Variants in CLN3 observed in about 807,000 individuals in gnomAD.
CLN3 encodes CLN3 lysosomal/endosomal transmembrane protein, battenin.
In CLN3, 49 loss-of-function variants were observed where a neutral mutation model predicts 60.7. The observed-to-expected ratio is 0.81, with a 90% CI of 0.64 to 1.02. The LOEUF is 1.02. CLN3 is among the 50% of genes least tolerant of loss of function. CLN3 has a pLI of 0.00. For missense variants in CLN3, 516 were observed against 557.4 expected (o/e 0.93, Z 0.75); for synonymous variants, 256 against 245.8 (o/e 1.04, Z -0.39).
rs1188942343 is a variant in CLN3 at position 28,487,486 on chromosome 16, A to T, written c.430T>A (p.Phe144Ile). The change falls in exon 7 of 16, where the codon TTT becomes ATT. Residue 144 changes from phenylalanine (F) to isoleucine (I), a missense_variant. Phe to Ile is a conservative substitution (Grantham distance 21). Transcript: ENST00000636147. ...CAAGSFVLVA[F>I]SHSVGTSLCG... ...AGGCTGGTCCCCACAGAATGAGAAA[A>T]GGCAACCAGGACGAAGCTTCCAGCA... 6 of 1,613,992 alleles carry T rather than the reference A, an allele frequency of 3.7e-6. No individual in the cohort carries two copies. Among genetic ancestry groups the T allele is most frequent in the Non-Finnish European group, 5.1e-6 (6 of 1,179,972 alleles).
intron 7 of CLN3, chr16:28,486,986 C>T (rs2046231507): frequency 2.6e-6 from 1 of 386,884 alleles, no homozygotes; most frequent in African/African-American, 2.1e-5. Flanking sequence ...TCTCGGCTCA[C>T]TGCAACCTCT....
Position 28,491,570 on chromosome 16 carries a change from C to A in CLN3, c.47-10G>T, listed in dbSNP as rs1028703647. 3 of 1,613,966 alleles carry A rather than the reference C, an allele frequency of 1.9e-6. No individual in the cohort carries two copies. Among genetic ancestry groups the A allele is most frequent in the African/African-American group, 1.3e-5 (1 of 75,048 alleles). ...GGGACGGTCTCCTCCCCTGGGAGAG[C>A]GAGAAGAGGGCATGACCCCCACCTA... On this transcript the variant is annotated splice_polypyrimidine_tract_variant and intron_variant, in intron 2 of 15. Transcript: ENST00000636147.
rs2046324631 is a variant in CLN3, at chr16:28,492,039, T to C, written c.-96A>G. 2 of 568,878 alleles carry C rather than the reference T, an allele frequency of 3.5e-6. No individual in the cohort carries two copies. Among genetic ancestry groups the C allele is most frequent in the Admixed American group, 6.1e-5 (2 of 32,956 alleles). 35.2% of individuals were successfully genotyped at this position (568,878 alleles called of 1,614,324 possible). A position where few individuals can be genotyped will look rare whatever the true frequency, so the allele number is the denominator to read the frequency against. On this transcript the variant is annotated 5_prime_UTR_variant, in exon 1 of 16. Coordinates refer to ENST00000636147, the MANE Select transcript of CLN3 (RefSeq NM_001042432.2). The stretch of plus-strand genomic sequence containing the variant: ...CTGTACCTTTAAGAGCAGCAGAATG[T>C]TCTGCACTATGCAGAGGCCGTTTGT...
chr16:28,481,798 C>A (rs1309885692), intron 14 of CLN3, among the ~76,000 whole-genome samples: 3 of 151,958 alleles, frequency 2.0e-5, no homozygotes, highest in African/African-American at 7.3e-5. Context: ...TCAAGACCAG[C>A]CAATATGGCA....
downstream of CLN3, chr16:28,476,537 C>A (rs2045998163): frequency 6.6e-6 from 1 of 151,822 alleles, no homozygotes; most frequent in African/African-American, 2.4e-5. Context: ...CAGAGTGCAA[C>A]CCTGTCTCTA....
downstream of CLN3, chr16:28,476,502 T>C (rs565361895): frequency 6.6e-6 from 1 of 151,918 alleles, no homozygotes; most frequent in Admixed American, 6.6e-5. Context: ...GCCATGACTG[T>C]GCCACTGTAC....
chr16:28,478,281 G>C (rs1350920724), intron 14 of CLN3, among the ~76,000 whole-genome samples: 1 of 149,750 alleles, frequency 6.7e-6, no homozygotes, highest in African/African-American at 2.5e-5. Flanking sequence ...CTCCAGCCTG[G>C]GCAACAGAGA....
the CLN3 span, chr16:28,466,786 T>G: frequency 3.3e-6 from 4 of 1,222,940 alleles, 2 homozygotes; most frequent in Non-Finnish European, 4.5e-6. Context: ...TAATGATAAT[T>G]ATCAAATTAT....
Position 28,482,681 on chromosome 16 carries a change from G to T in CLN3, c.791-9C>A. The stretch of plus-strand genomic sequence containing the variant: ...GAGGCTGGAGCTGGAGCCTGCAGGG[G>T]AACAGAGAGAGAAGGGCAGATGAAG... On this transcript the variant is annotated splice_polypyrimidine_tract_variant and intron_variant, in intron 10 of 15. Coordinates refer to ENST00000636147, the MANE Select transcript of CLN3 (RefSeq NM_001042432.2). 6.2e-7 allele frequency: 1 copy of T among 1,614,174 alleles called. No individual in the cohort carries two copies. The highest frequency in any genetic ancestry group is 8.5e-7 in the Non-Finnish European group (1 of 1,180,022).
the CLN3 span, among the ~76,000 whole-genome samples, chr16:28,467,230 T>C: frequency 2.2e-4 from 23 of 103,800 alleles, no homozygotes; most frequent in African/African-American, 6.1e-4. Flanking sequence ...ACACTAACAA[T>C]AGCTGATGAT....
chr16:28,488,362 T>C, intron 5 of CLN3: 2 of 356,146 alleles, frequency 5.6e-6, no homozygotes, highest in Admixed American at 4.5e-5. Flanking sequence ...TTCTTTAAGA[T>C]GGGGGTCTCA....
chr16:28,487,845 A>C, intron 5 of CLN3, 104 bp from the exon 6 acceptor site: 1 of 876,862 alleles, frequency 1.1e-6, no homozygotes, highest in Non-Finnish European at 1.9e-6. Context: ...CCTGCTACAA[A>C]CACAGGCTCT....
rs1379524132 is a variant in CLN3 at position 28,477,377 on chromosome 16, C to T, written c.*139G>A. 5.2e-6 allele frequency: 6 copies of T among 1,156,396 alleles called. No homozygotes were observed. Among genetic ancestry groups the T allele is most frequent in the Non-Finnish European group, 7.6e-6 (6 of 791,552 alleles). 71.6% of individuals were successfully genotyped at this position (1,156,396 alleles called of 1,614,324 possible). On this transcript the variant is annotated 3_prime_UTR_variant, in exon 16 of 16. Coordinates refer to ENST00000636147, the MANE Select transcript of CLN3 (RefSeq NM_001042432.2). ...TGGCCCCCCTGCAAGGGAAACAAGG[C>T]TTCAGCCCTTCCCTACTCCCAGACC...
chr16:28,484,617 T>C (rs1458589986), intron 9 of CLN3: 3 of 197,978 alleles, frequency 1.5e-5, no homozygotes, highest in South Asian at 1.8e-4. Flanking sequence ...CCTAAAGCAC[T>C]GGGATTACAG....
chr16:28,471,949 G>C (rs1373948882), downstream of CLN3, among the ~76,000 whole-genome samples: 1 of 152,120 alleles, frequency 6.6e-6, no homozygotes, highest in Admixed American at 6.6e-5. Context: ...AGAATCACTT[G>C]AACCTGGAAG....
At chr16:28,469,596 CAAAAAAAT>C (rs2045927754), downstream of CLN3, 1 of 226,970 alleles carries the variant, frequency 4.4e-6, no homozygotes, top group African/African-American at 2.7e-5. Context: ...GAAACTGTCT[CAAAAAAAT>C]AAATAAATAA....
downstream of CLN3, among the ~76,000 whole-genome samples, chr16:28,472,199 G>A (rs1249274536): frequency 6.6e-6 from 1 of 152,184 alleles, no homozygotes; most frequent in Non-Finnish European, 1.5e-5. Flanking sequence ...GATCATTTGA[G>A]CTGAGGAGTT....
chr16:28,484,353 T>C, intron 9 of CLN3: 1 of 520,624 alleles, frequency 1.9e-6, no homozygotes, highest in South Asian at 2.1e-5. Context: ...TTCATTTTGT[T>C]TTGATTTTTT....
At chr16:28,477,134 A>AAAACAAACAAACAAAC (rs533413452), downstream of CLN3, 1 of 321,812 alleles carries the variant, frequency 3.1e-6, no homozygotes, top group African/African-American at 2.2e-5. Flanking sequence ...AGACTCTGTC[A>AAAACAAACAAACAAAC]AAACAAACAA....
Sources: gnomAD v4.1 joint callset for allele counts (sites outside exome capture counted in the v4.1 genomes callset) on GRCh38, gnomAD v4.1.1 for gene constraint, MANE v1.5 for transcripts, NCBI Gene and HGNC (gene_info 2026-07-23, HGNC 2026-07-21) for gene names.